ACOXL: variants seen among roughly 807,000 people sequenced by gnomAD.
The protein encoded by ACOXL is acyl-CoA oxidase like.
A neutral mutation model predicts 71.9 loss-of-function variants in ACOXL; 70 were observed. The ratio of observed to expected loss-of-function variants is 0.97; its 90% CI spans 0.80 to 1.19. The LOEUF (loss-of-function observed/expected upper bound fraction) is 1.19. Ranked by LOEUF, ACOXL falls within the 50% of genes most tolerant of loss-of-function variation. ACOXL has a pLI of 0.00. For synonymous variants in ACOXL, 253 were observed against 281.6 expected (o/e 0.90, Z 1.02); for missense variants, 703 against 736.3 (o/e 0.95, Z 0.52).
intron 13 of ACOXL, among the ~76,000 whole-genome samples, chr2:110,989,857 A>G (rs963475450): frequency 6.6e-6 from 1 of 152,132 alleles, no homozygotes; most frequent in Non-Finnish European, 1.5e-5. Context: ...CCTGGGCAAC[A>G]TGGTGAAACC....
chr2:110,991,153 T>C (rs1574410069), intron 13 of ACOXL, among the ~76,000 whole-genome samples: 1 of 152,220 alleles, frequency 6.6e-6, no homozygotes, highest in Non-Finnish European at 1.5e-5. Context: ...AATTGTATTT[T>C]TCTAGGAATT....
At chr2:110,876,105 C>G (rs1695861789) in intron 10 of ACOXL, among the ~76,000 whole-genome samples, 1 of 152,222 alleles carries the variant, frequency 6.6e-6, no homozygotes, top group Non-Finnish European at 1.5e-5. Context: ...AAATGTCCCT[C>G]TCAAAGTCAG....
At chr2:111,046,004 A>G (rs1363354040) in intron 15 of ACOXL, among the ~76,000 whole-genome samples, 1 of 152,202 alleles carries the variant, frequency 6.6e-6, no homozygotes, top group Non-Finnish European at 1.5e-5. Context: ...ATCCAAGCCC[A>G]TCTCCTGCAC....
chr2:111,042,160 C>T (rs1390092076), intron 15 of ACOXL, among the ~76,000 whole-genome samples: 1 of 152,250 alleles, frequency 6.6e-6, no homozygotes, highest in Non-Finnish European at 1.5e-5. Context: ...CCATTACGTT[C>T]CCATCCCTGG....
chr2:110,796,218 T>G (rs1392274574), intron 5 of ACOXL: 1 of 152,242 alleles, frequency 6.6e-6, no homozygotes, highest in Non-Finnish European at 1.5e-5. Context: ...GTTGGTTGTT[T>G]TACATTTATT....
At chr2:111,081,630 C>A (rs2067927816) in intron 16 of ACOXL, among the ~76,000 whole-genome samples, 1 of 152,154 alleles carries the variant, frequency 6.6e-6, no homozygotes, top group Non-Finnish European at 1.5e-5. Context: ...CTATCCCCAC[C>A]AAGCTACCAT....
At chr2:110,856,672 G>A (rs1693288623) in intron 10 of ACOXL, among the ~76,000 whole-genome samples, 1 of 152,204 alleles carries the variant, frequency 6.6e-6, no homozygotes, top group African/African-American at 2.4e-5. Context: ...GGGGTGATAA[G>A]CACTTAATTA....
rs1267159339 is a variant in ACOXL at position 110,768,484 on chromosome 2, T to G, written c.75+20T>G. ...GATCTGGTAAGTGTCATTATTATTC[T>G]GGTATGGTTGTGTGTGTGTGTGTGT... On this transcript the variant is annotated intron_variant, in intron 2 of 17. Transcript: ENST00000439055. 4.4e-6 allele frequency: 7 copies of G among 1,599,786 alleles called. No individual in the cohort carries two copies. Among genetic ancestry groups the G allele is most frequent in the Non-Finnish European group, 4.3e-6 (5 of 1,175,080 alleles).
At chr2:111,047,102 C>T (rs987330554) in intron 15 of ACOXL, among the ~76,000 whole-genome samples, 1 of 152,174 alleles carries the variant, frequency 6.6e-6, no homozygotes, top group African/African-American at 2.4e-5. Flanking sequence ...GAATCAGGCT[C>T]AGTGGCCTGG....
At position 111,118,216 on chromosome 2, in the gene ACOXL, G is replaced by A. The variant is rs1213228185; in HGVS notation, c.*400G>A. Reference sequence around the variant, plus strand: ...TGATTTAGAAAAACTGTGGTGCCGAGTGAAAGAAAAAAAAAAAAGCAAACA... The same window carrying A: ...TGATTTAGAAAAACTGTGGTGCCGAATGAAAGAAAAAAAAAAAAGCAAACA... On this transcript the variant is annotated 3_prime_UTR_variant, in exon 18 of 18. Coordinates refer to ENST00000439055, the MANE Select transcript of ACOXL (RefSeq NM_001142807.4). The A allele has an allele frequency of 9.0e-6, 2 of 222,926 alleles. No homozygotes were observed. Among genetic ancestry groups the A allele is most frequent in the Non-Finnish European group, 1.7e-5 (2 of 117,286 alleles). The allele number at this position is 222,926 out of a possible 1,614,324, so 13.8% of individuals were successfully genotyped here.
intron 15 of ACOXL, among the ~76,000 whole-genome samples, chr2:111,042,601 G>A (rs2065836356): frequency 6.6e-6 from 1 of 152,214 alleles, no homozygotes; most frequent in South Asian, 2.1e-4. Context: ...GGAGGAAGGT[G>A]TTTGGGAGAA....
chr2:110,866,690 G>A (rs1051913892), intron 10 of ACOXL, among the ~76,000 whole-genome samples: 19 of 152,114 alleles, frequency 1.2e-4, no homozygotes, highest in Non-Finnish European at 1.5e-5. Context: ...GGAGGCAGAA[G>A]CTTGAGGCAC....
intron 12 of ACOXL, among the ~76,000 whole-genome samples, chr2:110,946,342 A>G (rs2061107993): frequency 6.6e-6 from 1 of 152,132 alleles, no homozygotes. Context: ...AGATAATTTG[A>G]CTTCTGCCCT....
At chr2:110,881,008 A>G (rs1696569042) in intron 10 of ACOXL, among the ~76,000 whole-genome samples, 2 of 152,110 alleles carry the variant, frequency 1.3e-5, no homozygotes. Context: ...TTTCTTTCTA[A>G]AATTTTTTAT....
chr2:110,812,922 T>A (rs1573638081), intron 9 of ACOXL, among the ~76,000 whole-genome samples: 1 of 152,166 alleles, frequency 6.6e-6, no homozygotes, highest in African/African-American at 2.4e-5. Context: ...CCTCTGTGGT[T>A]ACACTGGCAG....
chr2:111,076,350 C>T (rs1451465535), intron 16 of ACOXL, among the ~76,000 whole-genome samples: 1 of 152,080 alleles, frequency 6.6e-6, no homozygotes, highest in Non-Finnish European at 1.5e-5. Context: ...GTAATTCCCT[C>T]TTTATTCCTG....
chr2:110,778,721 A>G (rs1056341521), intron 2 of ACOXL, among the ~76,000 whole-genome samples: 1 of 152,230 alleles, frequency 6.6e-6, no homozygotes, highest in Non-Finnish European at 1.5e-5. Flanking sequence ...GTGTTTGGGC[A>G]CATAGGAAGT....
In ACOXL at chr2:110,933,594, G is replaced by A; in HGVS notation, c.1011G>A (p.Trp337Ter). Reference protein sequence around the residue: ...LVAGLKAYSTWENIRCLQDCR... With the variant: ...LVAGLKAYST ...CGGGGCTGAAGGCCTACAGCACCTGGGAGAACATCCGCTGCCTGCAGGACT... is the reference window on the plus strand; with the variant it reads ...CGGGGCTGAAGGCCTACAGCACCTGAGAGAACATCCGCTGCCTGCAGGACT... The change falls in exon 12 of 18, where the codon TGG becomes TGA. Residue 337 changes from tryptophan to a stop codon, truncating the protein, a stop_gained. Coordinates refer to ENST00000439055, the MANE Select transcript of ACOXL (RefSeq NM_001142807.4). LOFTEE classifies it high-confidence loss of function. The A allele has an allele frequency of 6.2e-7, 1 of 1,613,782 alleles. No individual in the cohort carries two copies. Among genetic ancestry groups the A allele is most frequent in the Non-Finnish European group, 8.5e-7 (1 of 1,179,964 alleles).
intron 16 of ACOXL, among the ~76,000 whole-genome samples, chr2:111,090,661 A>C (rs1251732013): frequency 1.3e-5 from 2 of 152,342 alleles, no homozygotes; most frequent in East Asian, 3.9e-4. Flanking sequence ...GCCTGGGGAA[A>C]ACCATCATTT....
Sources: allele counts gnomAD v4.1 joint callset (sites outside exome capture counted in the v4.1 genomes callset), GRCh38; gene constraint gnomAD v4.1.1; transcripts MANE v1.5; gene names NCBI Gene and HGNC (gene_info 2026-07-23, HGNC 2026-07-21).